SESN3: variants seen among roughly 807,000 people sequenced by gnomAD.
SESN3 encodes sestrin 3.
SESN3 carries 21 observed loss-of-function variants against 55.3 expected under a neutral mutation model. The ratio of observed to expected loss-of-function variants is 0.38; its 90% CI spans 0.27 to 0.55. The LOEUF is 0.55. Ranked by LOEUF, SESN3 falls within the 20% of genes least tolerant of loss-of-function variation. SESN3 has a pLI of 0.76. For synonymous variants in SESN3, 181 were observed against 203.1 expected, an observed-to-expected ratio of 0.89 and a Z score of 0.93; for missense variants, 408 against 604.3, an observed-to-expected ratio of 0.68 and a Z score of 3.41.
intron 5 of SESN3, 46 bp from the exon 6 acceptor site, chr11:95,184,640 G>A (rs1268099217): frequency 6.5e-7 from 1 of 1,548,258 alleles, no homozygotes; most frequent in East Asian, 2.3e-5. Context: ...TACTAAAAGT[G>A]TTCCAGTAAA....
intron 1 of SESN3, among the ~76,000 whole-genome samples, chr11:95,197,209 T>G (rs969612831): frequency 3.9e-5 from 6 of 152,182 alleles, no homozygotes; most frequent in African/African-American, 1.4e-4. Context: ...AGAGGAGGTC[T>G]AGGACTTTTT....
At chr11:95,189,155 G>A (rs756927381) in intron 4 of SESN3, among the ~76,000 whole-genome samples, 21 of 151,932 alleles carry the variant, frequency 1.4e-4, no homozygotes, top group East Asian at 1.9e-4. Flanking sequence ...TAGTTACCAC[G>A]TGCCAAGAAT....
intron 4 of SESN3, among the ~76,000 whole-genome samples, chr11:95,186,150 C>A (rs1860158657): frequency 6.6e-6 from 1 of 150,534 alleles, no homozygotes. Context: ...GATTCTTTCC[C>A]ATCGGTGTTC....
chr11:95,190,977 ATT>A (rs1376956095), intron 3 of SESN3, among the ~76,000 whole-genome samples: 1 of 152,016 alleles, frequency 6.6e-6, no homozygotes, highest in Admixed American at 6.6e-5. Flanking sequence ...TCTCATTCAG[ATT>A]CTCCATTAAT....
intron 1 of SESN3, among the ~76,000 whole-genome samples, chr11:95,216,806 T>C (rs1860766350): frequency 2.0e-5 from 3 of 151,326 alleles, no homozygotes; most frequent in South Asian, 2.1e-4. Context: ...AAGTTTAACA[T>C]CAATTAAGAG....
Position 95,173,314 on chromosome 11 carries a change from C to T in SESN3, c.1420G>A (p.Ala474Thr). Residue 474 changes from alanine to threonine, a missense_variant, in exon 10 of 10, where the codon GCA becomes ACA. By Grantham distance (58) the Ala-to-Thr change is moderately conservative (BLOSUM62 0). Around this residue, in one of 4 missense-constraint regions of SESN3, gnomAD observed 121 missense variants for 204.9 expected, o/e 0.59. Coordinates refer to ENST00000536441, the MANE Select transcript of SESN3 (RefSeq NM_144665.4). The stretch of plus-strand genomic sequence containing the variant: ...TAAAGAAGTTCAGCTTGCATTCGTG[C>T]TTCCATTAAAAGTAGATTGACATGA... The part of the protein sequence containing the change: ...KVHVNLLLME[A>T]RMQAELLYAL... 1 of 1,598,362 alleles carries T rather than the reference C, an allele frequency of 6.3e-7. No homozygotes were observed. The highest frequency in any genetic ancestry group is 8.6e-7 in the Non-Finnish European group (1 of 1,167,130).
At chr11:95,218,363 A>C (rs1269082768) in intron 1 of SESN3, among the ~76,000 whole-genome samples, 2 of 152,360 alleles carry the variant, frequency 1.3e-5, no homozygotes, top group East Asian at 3.8e-4. Flanking sequence ...TCATCACGCT[A>C]CGTAGGTAAA....
chr11:95,204,858 A>G (rs544346461), intron 1 of SESN3: 2 of 152,344 alleles, frequency 1.3e-5, no homozygotes, highest in East Asian at 3.9e-4. Flanking sequence ...TGAACTAAGT[A>G]CTTGAAAATA....
chr11:95,201,402 C>T (rs922648781), intron 1 of SESN3: 3 of 152,204 alleles, frequency 2.0e-5, no homozygotes, highest in African/African-American at 7.2e-5. Context: ...CGTATATCCA[C>T]ATAGCAAAGG....
At chr11:95,185,981 C>G (rs1860155610) in intron 4 of SESN3, among the ~76,000 whole-genome samples, 1 of 151,924 alleles carries the variant, frequency 6.6e-6, no homozygotes, top group Non-Finnish European at 1.5e-5. Context: ...AGAATACTAC[C>G]TCACATCTGA....
intron 9 of SESN3, among the ~76,000 whole-genome samples, chr11:95,175,064 T>C (rs924859887): frequency 3.3e-5 from 5 of 152,152 alleles, no homozygotes; most frequent in African/African-American, 1.2e-4. Context: ...AAAGTTAACC[T>C]ATTAAGACAA....
At position 95,230,705 on chromosome 11, in the gene SESN3, G is replaced by T; in HGVS notation, c.78+78C>A. 9.3e-7 allele frequency: 1 copy of T among 1,077,170 alleles called. No individual in the cohort carries two copies. Among genetic ancestry groups the T allele is most frequent in the Non-Finnish European group, 1.4e-6 (1 of 727,738 alleles). 66.7% of individuals were successfully genotyped at this position (1,077,170 alleles called of 1,614,324 possible). A position where few individuals can be genotyped will look rare whatever the true frequency, so the allele number is the denominator to read the frequency against. On this transcript the variant is annotated intron_variant, in intron 1 of 9. Transcript: ENST00000536441. This position sits in a 1 kb window ranked among gnomAD's most constrained non-coding sequence, Gnocchi z 4.6. ...GATCCCTCTCAGCCTCCCCCAGTGC[G>T]CGCCCGGGGACGAGCCGCCCGAGCC... is the stretch of plus-strand genomic sequence containing the variant.
At chr11:95,213,404 G>A (rs1050340775) in intron 1 of SESN3, among the ~76,000 whole-genome samples, 3 of 152,158 alleles carry the variant, frequency 2.0e-5, no homozygotes, top group African/African-American at 4.8e-5. Flanking sequence ...AAAGGAAAAA[G>A]ACAAAGTAAG....
intron 1 of SESN3, among the ~76,000 whole-genome samples, chr11:95,194,623 A>G (rs1055686690): frequency 1.3e-5 from 2 of 152,116 alleles, no homozygotes; most frequent in African/African-American, 4.8e-5. Flanking sequence ...TCTAGGTTAT[A>G]TTTACAAAAT....
chr11:95,187,093 T>G (rs1447552748), intron 4 of SESN3, among the ~76,000 whole-genome samples: 3 of 151,976 alleles, frequency 2.0e-5, no homozygotes, highest in African/African-American at 7.2e-5. Context: ...AGGCCTCTCC[T>G]GTATATCAAC....
chr11:95,231,289 C>T (rs1591087259), upstream of SESN3: 4 of 391,930 alleles, frequency 1.0e-5, no homozygotes, highest in Admixed American at 4.5e-5. Flanking sequence ...CGGCTACGCC[C>T]CCAGGGCGCT....
At position 95,167,748 on chromosome 11, in the gene SESN3, T is replaced by C. The variant is rs1188829588; in HGVS notation, c.*5507A>G. 6.6e-6 allele frequency: 1 copy of C among 152,156 alleles called. No homozygotes were observed. Among genetic ancestry groups the C allele is most frequent in the Non-Finnish European group, 1.5e-5 (1 of 68,032 alleles). The allele number at this position is 152,156 out of a possible 1,614,324, so 9.4% of individuals were successfully genotyped here. On this transcript the variant is annotated 3_prime_UTR_variant, in exon 10 of 10. Transcript: ENST00000536441. Reference sequence around the variant, plus strand: ...TAATCTATACTTTCAAATGGGATGGTTCATCAGGTCAGACAACTGTGTGCA... The same window carrying C: ...TAATCTATACTTTCAAATGGGATGGCTCATCAGGTCAGACAACTGTGTGCA...
intron 1 of SESN3, among the ~76,000 whole-genome samples, chr11:95,215,503 T>C (rs1456906810): frequency 1.3e-5 from 2 of 152,170 alleles, no homozygotes; most frequent in Admixed American, 1.3e-4. Flanking sequence ...AAGATATTAA[T>C]TCAATGAAGA....
intron 4 of SESN3, among the ~76,000 whole-genome samples, chr11:95,187,866 T>C (rs943387789): frequency 6.6e-6 from 1 of 151,842 alleles, no homozygotes; most frequent in Non-Finnish European, 1.5e-5. Context: ...TCAGCCTGTA[T>C]ATGCTCATGT....
Sources: gnomAD v4.1 joint callset for allele counts (sites outside exome capture counted in the v4.1 genomes callset) on GRCh38, gnomAD v4.1.1 for gene constraint, gnomAD v4.1.1 regional missense constraint, Gnocchi (gnomAD v3.1) non-coding constraint, MANE v1.5 for transcripts, NCBI Gene and HGNC (gene_info 2026-07-23, HGNC 2026-07-21) for gene names.